Variants in ADGRA2 observed in about 807,000 individuals in gnomAD.
ADGRA2 encodes the protein adhesion G protein-coupled receptor A2, also known as G-protein coupled receptor 124.
A neutral mutation model predicts 98.7 loss-of-function variants in ADGRA2; 61 were observed. The observed-to-expected ratio is 0.62, with a 90% CI of 0.50 to 0.76. The LOEUF (loss-of-function observed/expected upper bound fraction) is 0.76, where lower values mean the gene tolerates loss of function less well. Ranked by LOEUF, ADGRA2 falls within the 30% of genes least tolerant of loss-of-function variation. ADGRA2 has a pLI of 0.00. For missense variants in ADGRA2, 1,712 were observed against 1,860.0 expected (o/e 0.92, Z 1.46); for synonymous variants, 858 against 831.5 (o/e 1.03, Z -0.55).
rs1172864471 is a variant in ADGRA2, at chr8:37,828,520, T to G, written c.339-368T>G. Among the ~76,000 whole-genome samples the G allele has an allele frequency of 1.3e-4, 18 of 134,104 alleles. 1 individual carries two copies. The highest frequency in any genetic ancestry group is 1.3e-3 in the Admixed American group (15 of 11,456). The allele number at this position is 134,104 out of a possible 152,430, so 88.0% of individuals were successfully genotyped here. On this transcript the variant is annotated intron_variant, in intron 2 of 18. Transcript: ENST00000412232. ...TTTTTTTTTTGAGATGGAGTCTCGC[T>G]CTGTCGCCCAGGCTGGAGTGCAGTG...
At chr8:37,829,655 C>G in intron 5 of ADGRA2, 96 bp downstream of exon 5, 3 of 1,014,346 alleles carry the variant, frequency 3.0e-6, no homozygotes, top group Non-Finnish European at 4.7e-6. Context: ...ACTGGTCTCA[C>G]GAGTGGCCAC....
chr8:37,829,182 C>G, intron 3 of ADGRA2, 79 bp from the exon 4 acceptor site: 1 of 1,090,146 alleles, frequency 9.2e-7, no homozygotes, highest in South Asian at 1.2e-5. Context: ...CAAGCCCTGG[C>G]CCCACCCATG....
At position 37,833,673 on chromosome 8, in the gene ADGRA2, TC is replaced by T; in HGVS notation, c.1297-10del. On this transcript the variant is annotated splice_polypyrimidine_tract_variant and intron_variant, in intron 9 of 18. Transcript: ENST00000412232. The stretch of plus-strand genomic sequence containing the variant: ...GAACAGGCGAGATGATCCTCTCTCT[TC>T]CCCCAATCCCCAGATGCCCATCAAT... 1 of 1,613,136 alleles carries T rather than the reference TC, an allele frequency of 6.2e-7. No individual in the cohort carries two copies. The highest frequency in any genetic ancestry group is 1.3e-5 in the African/African-American group (1 of 74,940).
At position 37,834,401 on chromosome 8, in the gene ADGRA2, TGG is replaced by T. The variant is rs1408289610; in HGVS notation, c.1608+275_1608+276del. The stretch of plus-strand genomic sequence containing the variant: ...GGAAGAGTGAAAGGAGTAGAAGGGA[TGG>T]GAGGAAGGCTTGGTGGCAGGGCAGA... On this transcript the variant is annotated intron_variant, in intron 11 of 18. Coordinates refer to ENST00000412232, the MANE Select transcript of ADGRA2 (RefSeq NM_032777.10). This position sits in a 1 kb window ranked among gnomAD's most constrained non-coding sequence, Gnocchi z 4.2. Among the ~76,000 whole-genome samples the T allele has an allele frequency of 6.6e-6, 1 of 151,938 alleles. No individual in the cohort carries two copies. Among genetic ancestry groups the T allele is most frequent in the African/African-American group, 2.4e-5 (1 of 41,324 alleles).
chr8:37,832,179 A>G (rs1370548767), intron 8 of ADGRA2, among the ~76,000 whole-genome samples: 1 of 150,794 alleles, frequency 6.6e-6, no homozygotes, highest in Non-Finnish European at 1.5e-5. Context: ...TTGTTGCCTC[A>G]GCCTCCCCGG....
chr8:37,834,088 G>T lies in ADGRA2; in HGVS notation c.1568G>T (p.Gly523Val), dbSNP rs748306655. The T allele has an allele frequency of 2.4e-5, 38 of 1,612,448 alleles. No homozygotes were observed. The highest frequency in any genetic ancestry group is 1.9e-5 in the Non-Finnish European group (22 of 1,179,860). The change falls in exon 11 of 19, where the codon GGG (glycine) becomes GTG (valine). Residue 523 changes from glycine (G) to valine (V), a missense_variant. Transcript: ENST00000412232. This position sits in a 1 kb window ranked among gnomAD's most constrained non-coding sequence, Gnocchi z 4.2. ...SRIVGALERIGGAALSPHAQH... is the reference protein window; with the variant it reads ...SRIVGALERIVGAALSPHAQH... Reference sequence around the variant, plus strand: ...ATCGTGGGTGCCCTGGAGCGCATTGGGGGGGCCGCCCTCAGCCCCCATGCC... The same window carrying T: ...ATCGTGGGTGCCCTGGAGCGCATTGTGGGGGCCGCCCTCAGCCCCCATGCC...
chr8:37,838,070 A>C (rs770543716), intron 14 of ADGRA2, 131 bp downstream of exon 14: 20 of 780,764 alleles, frequency 2.6e-5, no homozygotes, highest in Middle Eastern at 3.8e-4. Context: ...ATTGGGCCCC[A>C]TGAGTGGTGG....
intron 1 of ADGRA2, among the ~76,000 whole-genome samples, chr8:37,800,909 T>G (rs1804482623): frequency 6.6e-6 from 1 of 152,220 alleles, no homozygotes; most frequent in South Asian, 2.1e-4. Flanking sequence ...GCATTTTGGC[T>G]TTATCCTCCC....
chr8:37,827,922 C>A (rs933435763), intron 2 of ADGRA2, among the ~76,000 whole-genome samples: 1 of 152,096 alleles, frequency 6.6e-6, no homozygotes, highest in African/African-American at 2.4e-5. Flanking sequence ...TCACTTGAGC[C>A]CAGGAGTTCA....
rs765505492 is a variant in ADGRA2 at position 37,841,914 on chromosome 8, G to C, written c.3576G>C (p.Ala1192=). 2 of 1,526,450 alleles carry C rather than the reference G, an allele frequency of 1.3e-6. No individual in the cohort carries two copies. The highest frequency in any genetic ancestry group is 1.9e-4 in the Middle Eastern group (1 of 5,212). 94.6% of individuals were successfully genotyped at this position (1,526,450 alleles called of 1,614,324 possible). ...AHKSRAKGHR[A]GEACGKNRLK... Reference sequence around the variant, plus strand: ...AGAGCCGGGCCAAGGGACACCGCGCGGGGGAGGCCTGCGGCAAGAACCGGC... The same window carrying C: ...AGAGCCGGGCCAAGGGACACCGCGCCGGGGAGGCCTGCGGCAAGAACCGGC... The change falls in exon 19 of 19, where the codon GCG becomes GCC. Residue 1192 remains alanine, a synonymous_variant. Coordinates refer to ENST00000412232, the MANE Select transcript of ADGRA2 (RefSeq NM_032777.10). This position sits in a 1 kb window ranked among gnomAD's most constrained non-coding sequence, Gnocchi z 5.0.
chr8:37,808,863 C>G (rs999806400), intron 1 of ADGRA2, among the ~76,000 whole-genome samples: 2 of 151,978 alleles, frequency 1.3e-5, no homozygotes, highest in Non-Finnish European at 2.9e-5. Flanking sequence ...CTCTGCTGCC[C>G]AGGCTGGAGT....
rs772902689 is a variant in ADGRA2 at position 37,833,017 on chromosome 8, C to G, written c.1105C>G (p.Arg369Gly). The change falls in exon 9 of 19, where the codon CGA (arginine) becomes GGA (glycine). Residue 369 changes from arginine (R) to glycine (G), a missense_variant. Arg to Gly is a moderately radical substitution (Grantham distance 125, BLOSUM62 -2). Transcript: ENST00000412232. ...TCCTGCCTCTCCCCCCAGGTGGCCC[C>G]GAACTCTGGCTGGCATCACAGCCTA... ...ANNRGDFRWP[R>G]TLAGITAYQS... 6.8e-6 allele frequency: 11 copies of G among 1,612,048 alleles called. No individual in the cohort carries two copies. The highest frequency in any genetic ancestry group is 2.2e-5 in the East Asian group (1 of 44,872).
intron 2 of ADGRA2, among the ~76,000 whole-genome samples, chr8:37,823,123 C>T (rs764670837): frequency 1.3e-5 from 2 of 151,186 alleles, no homozygotes; most frequent in Non-Finnish European, 2.9e-5. Context: ...GAACTCCTGA[C>T]CTTGTGATCT....
At chr8:37,813,609 G>A (rs1293467916) in intron 1 of ADGRA2, among the ~76,000 whole-genome samples, 3 of 152,278 alleles carry the variant, frequency 2.0e-5, no homozygotes, top group Middle Eastern at 3.4e-3. Context: ...GGGACCATTA[G>A]GCAGGGACTG....
Position 37,842,949 on chromosome 8 carries a change from C to G in ADGRA2, c.*594C>G, listed in dbSNP as rs1805855848. The G allele has an allele frequency of 6.5e-6, 1 of 152,800 alleles. No individual in the cohort carries two copies. Among genetic ancestry groups the G allele is most frequent in the Non-Finnish European group, 1.5e-5 (1 of 68,170 alleles). 9.5% of individuals were successfully genotyped at this position (152,800 alleles called of 1,614,324 possible). ...CCACGTGAAAGGCAGCTCTAGACAT[C>G]AACCAGTCCTGGGGGAGGGGAGTGG... On this transcript the variant is annotated 3_prime_UTR_variant, in exon 19 of 19. Coordinates refer to ENST00000412232, the MANE Select transcript of ADGRA2 (RefSeq NM_032777.10).
intron 2 of ADGRA2, among the ~76,000 whole-genome samples, chr8:37,818,244 C>T (rs1805032867): frequency 6.6e-6 from 1 of 152,176 alleles, no homozygotes; most frequent in African/African-American, 2.4e-5. Flanking sequence ...GCTGGCACCT[C>T]CCACAATGGC....
rs1427650118 is a variant in ADGRA2, at chr8:37,834,172, G to A, written c.1608+44G>A. 1 of 1,548,308 alleles carries A rather than the reference G, an allele frequency of 6.5e-7. No individual in the cohort carries two copies. Among genetic ancestry groups the A allele is most frequent in the Admixed American group, 1.8e-5 (1 of 56,736 alleles). Reference sequence around the variant, plus strand: ...GGGGGTGGCCCTGGCATGCAGAGGAGGGAGGCGCTCCCTCTCAGGCGTGCA... The same window carrying A: ...GGGGGTGGCCCTGGCATGCAGAGGAAGGAGGCGCTCCCTCTCAGGCGTGCA... On this transcript the variant is annotated intron_variant, in intron 11 of 18. Coordinates refer to ENST00000412232, the MANE Select transcript of ADGRA2 (RefSeq NM_032777.10). This position sits in a 1 kb window ranked among gnomAD's most constrained non-coding sequence, Gnocchi z 4.2.
chr8:37,830,679 C>T lies in ADGRA2; in HGVS notation c.719-31C>T, dbSNP rs1563348208. ...GTGCAGCCTCACATGCGTGTGCACT[C>T]GGGCCTCACGCCTGGTGTCTCCTCC... On this transcript the variant is annotated intron_variant, in intron 6 of 18. Coordinates refer to ENST00000412232, the MANE Select transcript of ADGRA2 (RefSeq NM_032777.10). This position sits in a 1 kb window ranked among gnomAD's most constrained non-coding sequence, Gnocchi z 4.8. 5.1e-6 allele frequency: 7 copies of T among 1,368,402 alleles called. No individual in the cohort carries two copies. Among genetic ancestry groups the T allele is most frequent in the Non-Finnish European group, 7.0e-6 (7 of 1,004,518 alleles). The allele number at this position is 1,368,402 out of a possible 1,614,324, so 84.8% of individuals were successfully genotyped here. A position where few individuals can be genotyped will look rare whatever the true frequency, so the allele number is the denominator to read the frequency against.
intron 1 of ADGRA2, among the ~76,000 whole-genome samples, chr8:37,805,479 G>A (rs1804631852): frequency 6.6e-6 from 1 of 152,158 alleles, no homozygotes. Context: ...GCCCTTCCCT[G>A]TAATCTCAGC....
Sources: allele counts gnomAD v4.1 joint callset (sites outside exome capture counted in the v4.1 genomes callset), GRCh38; gene constraint gnomAD v4.1.1; non-coding constraint Gnocchi (gnomAD v3.1); transcripts MANE v1.5; gene names NCBI Gene and HGNC (gene_info 2026-07-23, HGNC 2026-07-21).